The following ANO5 variants were observed in gnomAD, a reference collection of about 807,000 sequenced individuals.
ANO5 encodes the protein anoctamin-5.
Under a neutral mutation model 121.0 loss-of-function variants are expected in ANO5, and 109 were observed. The observed-to-expected ratio is 0.90, with a 90% CI of 0.77 to 1.06. The LOEUF is 1.06. Among genes scored for constraint, ANO5 ranks in the 50% least tolerant of loss-of-function variants. ANO5 has a pLI of 0.00. For missense variants in ANO5, 1,064 were observed against 1,078.5 expected, an observed-to-expected ratio of 0.99 and a Z score of 0.19; for synonymous variants, 406 against 359.9, an observed-to-expected ratio of 1.13 and a Z score of -1.45.
chr11:22,252,062 A>G (rs7948670), intron 12 of ANO5, among the ~76,000 whole-genome samples: 17,621 of 127,608 alleles, frequency 0.14, 3,780 homozygotes, highest in African/African-American at 0.46. Context: ...AAAAAAAACT[A>G]GGCAAGGGCT....
At chr11:22,194,519 TAC>T (rs1851749689) in intron 1 of ANO5, among the ~76,000 whole-genome samples, 1 of 152,236 alleles carries the variant, frequency 6.6e-6, no homozygotes, top group Admixed American at 6.5e-5. Context: ...TTAGTGTATT[TAC>T]AGAGTTTTGT....
In ANO5 at chr11:22,250,259, G is replaced by A. The variant is rs1482268660; in HGVS notation, c.901G>A (p.Gly301Ser). The A allele has an allele frequency of 1.9e-6, 3 of 1,594,224 alleles. No homozygotes were observed. The highest frequency in any genetic ancestry group is 2.6e-6 in the Non-Finnish European group (3 of 1,163,436). The change falls in exon 10 of 22, where the codon GGT becomes AGT. Residue 301 changes from glycine (G) to serine (S), a missense_variant. Coordinates refer to ENST00000324559, the MANE Select transcript of ANO5 (RefSeq NM_213599.3). The stretch of plus-strand genomic sequence containing the variant: ...CAGGAATTATTATGGAGAAAAAATT[G>A]GTATCTATTTTGTCTTTCTTGGATT... Reference protein sequence around the residue: ...LIKNYYGEKIGIYFVFLGFYT... With the variant: ...LIKNYYGEKISIYFVFLGFYT...
chr11:22,231,247 A>C (rs548979327), intron 7 of ANO5, among the ~76,000 whole-genome samples: 1 of 152,116 alleles, frequency 6.6e-6, no homozygotes, highest in Non-Finnish European at 1.5e-5. Context: ...TTTTTAAGTA[A>C]TGAATTAATA....
At chr11:22,208,998 G>A (rs1399251074) in intron 2 of ANO5, among the ~76,000 whole-genome samples, 3 of 151,638 alleles carry the variant, frequency 2.0e-5, no homozygotes, top group African/African-American at 4.8e-5. Context: ...TTCAACTATT[G>A]GATTGAGGCA....
intron 19 of ANO5, among the ~76,000 whole-genome samples, chr11:22,273,382 A>G (rs1365683487): frequency 6.6e-6 from 1 of 152,218 alleles, no homozygotes; most frequent in East Asian, 1.9e-4. Context: ...TTCCAAAAGC[A>G]TAACTTTTAC....
intron 1 of ANO5, among the ~76,000 whole-genome samples, chr11:22,195,772 A>G (rs567864452): frequency 6.6e-6 from 1 of 152,146 alleles, no homozygotes; most frequent in Admixed American, 6.5e-5. Context: ...TAATCTATTT[A>G]TGCTTACATG....
intron 21 of ANO5, chr11:22,278,097 A>T (rs192071932): frequency 6.6e-6 from 1 of 151,826 alleles, no homozygotes; most frequent in Admixed American, 6.6e-5. Flanking sequence ...CTTCATTTTC[A>T]TTCAGCTTCC....
At position 22,270,333 on chromosome 11, in the gene ANO5, A is replaced by G; in HGVS notation, c.1920A>G (p.Arg640=). 1 of 1,614,116 alleles carries G rather than the reference A, an allele frequency of 6.2e-7. No individual in the cohort carries two copies. Among genetic ancestry groups the G allele is most frequent in the South Asian group, 1.1e-5 (1 of 91,080 alleles). ...AIYPLALNWW[R]RRKARTNSEK... ...ACAGCTTGGCTTTGAATTGGTGGAG[A>G]CGCCGAAAAGCTCGGACAAACTCTG... is the stretch of plus-strand genomic sequence containing the variant. Residue 640 remains arginine, a synonymous_variant, in exon 18 of 22, where the codon AGA becomes AGG. Transcript: ENST00000324559.
chr11:22,217,713 A>G (rs1852494316), intron 3 of ANO5, among the ~76,000 whole-genome samples: 1 of 151,314 alleles, frequency 6.6e-6, no homozygotes, highest in Non-Finnish European at 1.5e-5. Flanking sequence ...CTCACTGATA[A>G]GTGGGAGATA....
At chr11:22,193,911 C>A (rs543916739) in intron 1 of ANO5, among the ~76,000 whole-genome samples, 1 of 152,206 alleles carries the variant, frequency 6.6e-6, no homozygotes, top group African/African-American at 2.4e-5. Flanking sequence ...GAAGGCTTTC[C>A]CAAAAAAAGC....
In ANO5 at chr11:22,208,716, T is replaced by C. The variant is rs551813024; in HGVS notation, c.88-2548T>C. Among the ~76,000 whole-genome samples, 3 of 152,098 alleles carry C rather than the reference T, an allele frequency of 2.0e-5. No individual in the cohort carries two copies. In the South Asian group the frequency reaches 6.2e-4, roughly 31 times the overall value. ...GATATTTTACTGTGGTTATGTAAGA[T>C]GGAAATAACCATTGGAGGAGACTGG... is the stretch of plus-strand genomic sequence containing the variant. On this transcript the variant is annotated intron_variant, in intron 2 of 21. Transcript: ENST00000324559.
chr11:22,247,686 T>G (rs1320828824), intron 9 of ANO5, among the ~76,000 whole-genome samples: 1 of 152,100 alleles, frequency 6.6e-6, no homozygotes, highest in Non-Finnish European at 1.5e-5. Flanking sequence ...CAAACATCAC[T>G]TTAATGTCCA....
chr11:22,269,027 G>A (rs1281470074), intron 17 of ANO5, among the ~76,000 whole-genome samples: 1 of 149,844 alleles, frequency 6.7e-6, no homozygotes, highest in African/African-American at 2.5e-5. Flanking sequence ...GACAGACATA[G>A]AGAAAGAAAA....
intron 3 of ANO5, among the ~76,000 whole-genome samples, chr11:22,212,159 C>T (rs1852298549): frequency 6.6e-6 from 1 of 151,492 alleles, no homozygotes; most frequent in African/African-American, 2.4e-5. Context: ...AATATTTTAC[C>T]ACGAGAACAC....
chr11:22,248,344 A>G (rs1313208072), intron 9 of ANO5, among the ~76,000 whole-genome samples: 2 of 152,066 alleles, frequency 1.3e-5, no homozygotes, highest in African/African-American at 4.8e-5. Flanking sequence ...TTTCTAAAAA[A>G]TAATACTCAA....
intron 5 of ANO5, 131 bp from the exon 6 acceptor site, chr11:22,225,853 A>C (rs1156593521): frequency 5.9e-6 from 4 of 681,132 alleles, no homozygotes; most frequent in Admixed American, 2.6e-5. Context: ...CAGATGGAGC[A>C]TTTTTATATA....
At chr11:22,269,688 G>C (rs1212557474) in intron 17 of ANO5, among the ~76,000 whole-genome samples, 4 of 151,766 alleles carry the variant, frequency 2.6e-5, no homozygotes, top group African/African-American at 4.8e-5. Flanking sequence ...GGTTTTAATA[G>C]GTCCTTAAAA....
At chr11:22,217,593 A>T (rs1852490056) in intron 3 of ANO5, among the ~76,000 whole-genome samples, 2 of 151,476 alleles carry the variant, frequency 1.3e-5, no homozygotes, top group East Asian at 1.9e-4. Context: ...TATTATTATT[A>T]TTTTTCTCTT....
At chr11:22,224,532 G>A (rs1852761417) in intron 5 of ANO5, among the ~76,000 whole-genome samples, 2 of 152,056 alleles carry the variant, frequency 1.3e-5, no homozygotes, top group East Asian at 3.9e-4. Flanking sequence ...ATATGTGGAA[G>A]AATGATACCA....
Sources: gnomAD v4.1 joint callset for allele counts (sites outside exome capture counted in the v4.1 genomes callset) on GRCh38, gnomAD v4.1.1 for gene constraint, MANE v1.5 for transcripts, NCBI Gene and HGNC (gene_info 2026-07-23, HGNC 2026-07-21) for gene names.